CCDC192: variants seen among roughly 807,000 people sequenced by gnomAD.
The protein encoded by CCDC192 is coiled-coil domain containing 192.
At chr5:127,881,881 T>C (rs1752367914) in intron 6 of CCDC192, among the ~76,000 whole-genome samples, 1 of 152,218 alleles carries the variant, frequency 6.6e-6, no homozygotes, top group Non-Finnish European at 1.5e-5. Flanking sequence ...CCTTCAAAGC[T>C]TGAGTCCACC....
rs1006889963 is a variant in CCDC192 at position 127,797,142 on chromosome 5, C to G, written c.262C>G (p.Gln88Glu). 1 of 398,258 alleles carries G rather than the reference C, an allele frequency of 2.5e-6. No homozygotes were observed. Among genetic ancestry groups the G allele is most frequent in the African/African-American group, 2.1e-5 (1 of 48,570 alleles). 24.7% of individuals were successfully genotyped at this position (398,258 alleles called of 1,614,324 possible). ...SEGTKSKLLE[Q>E]VSRLEEKLEA... ...AGGAACAAAATCAAAACTGCTTGAA[C>G]AAGTATCCCGGCTGGAGGAAAAACT... Residue 88 changes from glutamine (Q) to glutamate (E), a missense_variant, in exon 4 of 7, where the codon CAA (glutamine) becomes GAA (glutamate). Coordinates refer to ENST00000514853, the MANE Select transcript of CCDC192 (RefSeq NM_001317938.2).
intron 2 of CCDC192, among the ~76,000 whole-genome samples, chr5:127,710,705 T>C (rs914449606): frequency 1.3e-5 from 2 of 152,182 alleles, no homozygotes; most frequent in African/African-American, 4.8e-5. Context: ...ATGAGGGTGG[T>C]GTCTGGCATC....
chr5:127,822,189 T>C (rs530298958), intron 5 of CCDC192, among the ~76,000 whole-genome samples: 1 of 152,294 alleles, frequency 6.6e-6, no homozygotes, highest in African/African-American at 2.4e-5. Context: ...CGAAGGGCCT[T>C]TCACATTGTC....
chr5:127,876,383 A>G (rs1045346446), intron 6 of CCDC192, among the ~76,000 whole-genome samples: 10 of 152,178 alleles, frequency 6.6e-5, no homozygotes, highest in Non-Finnish European at 1.0e-4. Context: ...CCTCTAAGGT[A>G]AGTACATTTA....
At chr5:127,768,281 G>T (rs956861926) in intron 3 of CCDC192, among the ~76,000 whole-genome samples, 3 of 151,822 alleles carry the variant, frequency 2.0e-5, no homozygotes, top group Admixed American at 1.3e-4. Context: ...AAAAAATAAG[G>T]TCATACTGGA....
At position 127,793,135 on chromosome 5, in the gene CCDC192, T is replaced by TA. The variant is rs753842289; in HGVS notation, c.223-3959dup. Among the ~76,000 whole-genome samples the TA allele has an allele frequency of 9.5e-4, 144 of 151,194 alleles. No homozygotes were observed. In the Middle Eastern group the frequency reaches 0.031, roughly 32 times the overall value. On this transcript the variant is annotated intron_variant, in intron 3 of 6. Transcript: ENST00000514853. ...AATATGTACATATACTTTCTGAATC[T>TA]AAAAAAAAAGTTGAAATTATTTTTA...
intron 3 of CCDC192, among the ~76,000 whole-genome samples, chr5:127,794,812 A>G (rs1757068755): frequency 6.6e-6 from 1 of 152,178 alleles, no homozygotes; most frequent in Non-Finnish European, 1.5e-5. Flanking sequence ...CAAACAGGAT[A>G]TGGGAATAAA....
intron 2 of CCDC192, among the ~76,000 whole-genome samples, chr5:127,748,706 C>T (rs1162694250): frequency 2.1e-5 from 3 of 142,562 alleles, no homozygotes; most frequent in African/African-American, 5.0e-5. Flanking sequence ...GGCAGTATGG[C>T]CATTTTCACA....
At chr5:127,734,420 A>G (rs1332548517) in intron 2 of CCDC192, among the ~76,000 whole-genome samples, 1 of 151,512 alleles carries the variant, frequency 6.6e-6, no homozygotes, top group Non-Finnish European at 1.5e-5. Flanking sequence ...AGCATGATTT[A>G]TAGTCCTTTG....
intron 2 of CCDC192, among the ~76,000 whole-genome samples, chr5:127,752,227 T>C (rs1580595159): frequency 6.6e-6 from 1 of 152,250 alleles, no homozygotes; most frequent in African/African-American, 2.4e-5. Flanking sequence ...CTCTGTTTTT[T>C]CCCCATCTTT....
At chr5:127,902,923 G>C (rs1753081029) in intron 6 of CCDC192, among the ~76,000 whole-genome samples, 1 of 152,302 alleles carries the variant, frequency 6.6e-6, no homozygotes, top group South Asian at 2.1e-4. Flanking sequence ...CAACACTCAT[G>C]TGGTTGCAAG....
chr5:127,933,324 C>T (rs1754098485), intron 6 of CCDC192, among the ~76,000 whole-genome samples: 1 of 152,038 alleles, frequency 6.6e-6, no homozygotes, highest in African/African-American at 2.4e-5. Flanking sequence ...TGAAACCAGC[C>T]TAAAGTAGCA....
At chr5:127,855,498 T>C (rs1255360945) in intron 5 of CCDC192, among the ~76,000 whole-genome samples, 5 of 152,234 alleles carry the variant, frequency 3.3e-5, no homozygotes, top group African/African-American at 1.2e-4. Flanking sequence ...AATCAATTTC[T>C]TCCAAACTCC....
intron 3 of CCDC192, among the ~76,000 whole-genome samples, chr5:127,778,025 G>T (rs1354448861): frequency 6.6e-6 from 1 of 152,034 alleles, no homozygotes; most frequent in Non-Finnish European, 1.5e-5. Flanking sequence ...GTGTGTGTGT[G>T]TGTTGTTTGG....
At chr5:127,792,794 AGAAG>A (rs1756949671) in intron 3 of CCDC192, among the ~76,000 whole-genome samples, 1 of 141,320 alleles carries the variant, frequency 7.1e-6, no homozygotes, top group Admixed American at 7.4e-5. Flanking sequence ...AAGAAGAAGA[AGAAG>A]GAGGAGGAGA....
intron 2 of CCDC192, among the ~76,000 whole-genome samples, chr5:127,725,750 G>C (rs1752283360): frequency 6.6e-6 from 1 of 152,040 alleles, no homozygotes; most frequent in African/African-American, 2.4e-5. Context: ...GTCTCCCTCT[G>C]TCAGTTTTCT....
intron 6 of CCDC192, among the ~76,000 whole-genome samples, chr5:127,929,072 T>C (rs1273223252): frequency 2.6e-5 from 4 of 152,132 alleles, no homozygotes; most frequent in African/African-American, 9.7e-5. Flanking sequence ...GACTCAGCCA[T>C]GTTATTCTTA....
At chr5:127,799,481 C>G (rs922191497) in intron 5 of CCDC192, among the ~76,000 whole-genome samples, 1 of 152,154 alleles carries the variant, frequency 6.6e-6, no homozygotes, top group Admixed American at 6.6e-5. Context: ...TGGTCTCCCC[C>G]TGAGGGTGCC....
intron 2 of CCDC192, among the ~76,000 whole-genome samples, chr5:127,719,831 G>GC (rs1554068200): frequency 0.066 from 4,386 of 66,906 alleles, 276 homozygotes; most frequent in African/African-American, 0.17. Flanking sequence ...TCAGAGGAAG[G>GC]GGCGGGGGAG....
Sources: gnomAD v4.1 joint callset for allele counts (sites outside exome capture counted in the v4.1 genomes callset) on GRCh38, gnomAD v4.1.1 for gene constraint, MANE v1.5 for transcripts, NCBI Gene and HGNC (gene_info 2026-07-23, HGNC 2026-07-21) for gene names.